The following RASSF5 variants were observed in gnomAD, a reference collection of about 807,000 sequenced individuals.
RASSF5 encodes Ras association domain family member 5.
Under a neutral mutation model 40.5 loss-of-function variants are expected in RASSF5, and 25 were observed. The observed-to-expected ratio is 0.62, with a 90% CI of 0.45 to 0.86. The LOEUF is 0.86. Among genes scored for constraint, RASSF5 ranks in the 40% least tolerant of loss-of-function variants. The probability of loss-of-function intolerance (pLI) is 0.00; values close to 1 mark genes in which losing one functional copy is unlikely to be tolerated. For missense variants in RASSF5, 521 were observed against 572.8 expected, an observed-to-expected ratio of 0.91 and a Z score of 0.92; for synonymous variants, 246 against 252.4, an observed-to-expected ratio of 0.97 and a Z score of 0.24.
intron 1 of RASSF5, among the ~76,000 whole-genome samples, chr1:206,526,845 TGG>T (rs1667109559): frequency 6.6e-6 from 1 of 152,128 alleles, no homozygotes; most frequent in African/African-American, 2.4e-5. Context: ...CACAGGAAGC[TGG>T]GTGGACTCAG....
chr1:206,519,742 G>C (rs781851535), intron 1 of RASSF5, among the ~76,000 whole-genome samples: 1 of 152,178 alleles, frequency 6.6e-6, no homozygotes, highest in Non-Finnish European at 1.5e-5. Context: ...TTTGGAAGCA[G>C]ATTTTTAAAA....
chr1:206,523,476 CAA>C (rs1666969113), intron 1 of RASSF5, among the ~76,000 whole-genome samples: 1 of 92,752 alleles, frequency 1.1e-5, no homozygotes, highest in Non-Finnish European at 2.0e-5. Context: ...ATTTTATATA[CAA>C]TATATAATAT....
chr1:206,518,201 G>A (rs1553395649), intron 1 of RASSF5, among the ~76,000 whole-genome samples: 1 of 152,084 alleles, frequency 6.6e-6, no homozygotes, highest in Non-Finnish European at 1.5e-5. Flanking sequence ...ACTGGGGGAG[G>A]TGGAGGGGAA....
intron 1 of RASSF5, among the ~76,000 whole-genome samples, chr1:206,521,089 A>C (rs1416170891): frequency 6.6e-6 from 1 of 152,202 alleles, no homozygotes; most frequent in African/African-American, 2.4e-5. Flanking sequence ...TAACAGGCAG[A>C]GCTAGATTAG....
At chr1:206,571,449 C>T (rs1390203121) in intron 2 of RASSF5, 5 of 152,112 alleles carry the variant, frequency 3.3e-5, no homozygotes, top group Non-Finnish European at 7.3e-5. Context: ...CACCTACCCA[C>T]CGTCCATCCT....
chr1:206,523,746 T>A (rs1262769312), intron 1 of RASSF5, among the ~76,000 whole-genome samples: 54 of 96,586 alleles, frequency 5.6e-4, no homozygotes, highest in Non-Finnish European at 8.3e-4. Flanking sequence ...ATAATATATT[T>A]TATATAATAT....
Position 206,531,383 on chromosome 1 carries a change from C to A in RASSF5, c.458-6789C>A, listed in dbSNP as rs1316518401. Among the ~76,000 whole-genome samples the A allele has an allele frequency of 6.6e-6, 1 of 152,186 alleles. No individual in the cohort carries two copies. The highest frequency in any genetic ancestry group is 1.9e-4 in the East Asian group (1 of 5,198). ...GCAGGCGGTGAGGTTGCAGAGGGAA[C>A]AACTGTGTCTATTGTATGAGAACCT... On this transcript the variant is annotated intron_variant, in intron 1 of 5. Transcript: ENST00000579436. This position sits in a 1 kb window ranked among gnomAD's most constrained non-coding sequence, Gnocchi z 4.7.
chr1:206,524,063 CATATATA>C (rs1667017654), intron 1 of RASSF5, among the ~76,000 whole-genome samples: 2 of 105,862 alleles, frequency 1.9e-5, no homozygotes, highest in South Asian at 3.2e-4. Context: ...ATAGGTATAA[CATATATA>C]ATATATTTTA....
intron 2 of RASSF5, among the ~76,000 whole-genome samples, chr1:206,538,836 A>G (rs1269322306): frequency 6.6e-6 from 1 of 152,186 alleles, no homozygotes; most frequent in Non-Finnish European, 1.5e-5. Context: ...GAGACAGAGG[A>G]GTGTGTTTAT....
chr1:206,548,523 G>T (rs991013138), intron 2 of RASSF5, among the ~76,000 whole-genome samples: 1 of 152,132 alleles, frequency 6.6e-6, no homozygotes, highest in African/African-American at 2.4e-5. Flanking sequence ...GACACCTCCC[G>T]CCAGGCCCCA....
chr1:206,550,046 C>T (rs781830399), intron 2 of RASSF5, among the ~76,000 whole-genome samples: 2 of 152,160 alleles, frequency 1.3e-5, no homozygotes, highest in Non-Finnish European at 2.9e-5. Context: ...TCCCTAGACT[C>T]GAGCAGCATC....
intron 2 of RASSF5, among the ~76,000 whole-genome samples, chr1:206,553,827 G>A (rs1667913396): frequency 6.6e-6 from 1 of 152,194 alleles, no homozygotes; most frequent in African/African-American, 2.4e-5. Context: ...GTTATTATGA[G>A]AGTAATCACA....
At chr1:206,585,117 G>GC in intron 4 of RASSF5, 63 bp from the exon 5 acceptor site, 1 of 1,268,770 alleles carries the variant, frequency 7.9e-7, no homozygotes, top group Non-Finnish European at 1.1e-6. Context: ...ATCCTTTCCC[G>GC]CAAGCCTGGG....
At chr1:206,522,621 A>G (rs1666938132) in intron 1 of RASSF5, among the ~76,000 whole-genome samples, 1 of 152,132 alleles carries the variant, frequency 6.6e-6, no homozygotes, top group African/African-American at 2.4e-5. Context: ...GGGGATTCTC[A>G]GGACTGCTCT....
Position 206,585,133 on chromosome 1 carries a change from C to T in RASSF5, c.989-47C>T, listed in dbSNP as rs1669059974. The T allele has an allele frequency of 3.4e-6, 5 of 1,455,620 alleles. No individual in the cohort carries two copies. In the African/African-American group the frequency reaches 5.6e-5, roughly 16 times the overall value. The allele number at this position is 1,455,620 out of a possible 1,614,324, so 90.2% of individuals were successfully genotyped here. On this transcript the variant is annotated intron_variant, in intron 4 of 5. Transcript: ENST00000579436. ...TCCTTTCCCGCAAGCCTGGGCCCCGCCCTTCTTTTCTGGGAAGAGCTCCCA... is the reference window on the plus strand; with the variant it reads ...TCCTTTCCCGCAAGCCTGGGCCCCGTCCTTCTTTTCTGGGAAGAGCTCCCA...
At position 206,584,735 on chromosome 1, in the gene RASSF5, A is replaced by C. The variant is rs782460622; in HGVS notation, c.988+51A>C. ...GACCGTTCCCTTCCTACCTGTGTCC[A>C]AGCCCACCCACTAAAACTCCTGCCG... is the stretch of plus-strand genomic sequence containing the variant. On this transcript the variant is annotated intron_variant, in intron 4 of 5. Transcript: ENST00000579436. This position sits in a 1 kb window ranked among gnomAD's most constrained non-coding sequence, Gnocchi z 4.9. 6.2e-7 allele frequency: 1 copy of C among 1,600,722 alleles called. No homozygotes were observed. Among genetic ancestry groups the C allele is most frequent in the East Asian group, 2.2e-5 (1 of 44,590 alleles).
At chr1:206,582,058 C>A (rs1197520278) in intron 2 of RASSF5, among the ~76,000 whole-genome samples, 2 of 152,200 alleles carry the variant, frequency 1.3e-5, no homozygotes, top group African/African-American at 2.4e-5. Context: ...AAGTCTGCTA[C>A]ACTTGAACGT....
chr1:206,586,704 AC>A, intron 5 of RASSF5, 121 bp from the exon 6 acceptor site: 1 of 774,624 alleles, frequency 1.3e-6, no homozygotes, highest in Non-Finnish European at 2.1e-6. Flanking sequence ...TCAGTAGCAA[AC>A]TGTGTGTGAA....
chr1:206,583,750 T>G, intron 3 of RASSF5: 1 of 244,616 alleles, frequency 4.1e-6, no homozygotes, highest in Admixed American at 5.1e-5. Context: ...CCTTCGATTG[T>G]GAGAGAGGGA....
Sources: gnomAD v4.1 joint callset for allele counts (sites outside exome capture counted in the v4.1 genomes callset) on GRCh38, gnomAD v4.1.1 for gene constraint, Gnocchi (gnomAD v3.1) non-coding constraint, MANE v1.5 for transcripts, NCBI Gene and HGNC (gene_info 2026-07-23, HGNC 2026-07-21) for gene names.